MOB3B: variants seen among roughly 807,000 people sequenced by gnomAD.
MOB3B encodes MOB kinase activator 3B.
Under a neutral mutation model 18.7 loss-of-function variants are expected in MOB3B, and 7 were observed. The ratio of observed to expected loss-of-function variants is 0.37; its 90% confidence interval spans 0.21 to 0.70. The LOEUF (loss-of-function observed/expected upper bound fraction) is 0.70. MOB3B is among the 30% of genes least tolerant of loss of function. MOB3B has a pLI of 0.52. For synonymous variants in MOB3B, 111 were observed against 99.9 expected (o/e 1.11, Z -0.66); for missense variants, 253 against 281.3 (o/e 0.90, Z 0.72).
At chr9:27,464,071 G>A (rs977409429) in intron 1 of MOB3B, among the ~76,000 whole-genome samples, 1 of 152,286 alleles carries the variant, frequency 6.6e-6, no homozygotes, top group Non-Finnish European at 1.5e-5. Flanking sequence ...CTTCACAAAT[G>A]GAAAACAATT....
intron 2 of MOB3B, among the ~76,000 whole-genome samples, chr9:27,417,159 C>G (rs1174954594): frequency 6.6e-6 from 1 of 151,990 alleles, no homozygotes; most frequent in Non-Finnish European, 1.5e-5. Context: ...GTGAGGAGAT[C>G]GAGACCATCC....
chr9:27,481,520 G>GTTTTTTTTTTTTT (rs1224985717), intron 1 of MOB3B, among the ~76,000 whole-genome samples: 2 of 91,724 alleles, frequency 2.2e-5, no homozygotes, highest in South Asian at 3.8e-4. Flanking sequence ...TGTTTTTTTT[G>GTTTTTTTTTTTTT]TTTTTTTTTT....
At chr9:27,363,813 C>G (rs1183305404) in intron 2 of MOB3B, among the ~76,000 whole-genome samples, 2 of 152,142 alleles carry the variant, frequency 1.3e-5, no homozygotes, top group Non-Finnish European at 1.5e-5. Context: ...ACAATCACAG[C>G]TCACTGCAGC....
At chr9:27,520,342 G>A (rs1039559355) in intron 1 of MOB3B, among the ~76,000 whole-genome samples, 2 of 152,178 alleles carry the variant, frequency 1.3e-5, no homozygotes, top group Admixed American at 6.5e-5. Context: ...ATGTATAAAC[G>A]ATCTCAAGCC....
At chr9:27,448,372 T>G (rs941121377) in intron 2 of MOB3B, among the ~76,000 whole-genome samples, 3 of 152,164 alleles carry the variant, frequency 2.0e-5, no homozygotes, top group African/African-American at 7.2e-5. Flanking sequence ...GGGTAACTTA[T>G]AAAGAAAAAG....
intron 3 of MOB3B, among the ~76,000 whole-genome samples, chr9:27,352,453 T>C (rs1276529080): frequency 6.6e-6 from 1 of 152,064 alleles, no homozygotes; most frequent in Non-Finnish European, 1.5e-5. Context: ...TATCTGGAAC[T>C]GAAGAAATGA....
intron 1 of MOB3B, among the ~76,000 whole-genome samples, chr9:27,510,588 T>C (rs1258047946): frequency 6.6e-6 from 1 of 152,250 alleles, no homozygotes; most frequent in African/African-American, 2.4e-5. Context: ...GCTTTTCATA[T>C]ACTAACATAT....
In MOB3B at chr9:27,504,823, G is replaced by A. The variant is rs75739326; in HGVS notation, c.-199+24732C>T. 7.6e-3 allele frequency among the ~76,000 whole-genome samples: 1,152 copies of A among 152,338 alleles called. 15 individuals are homozygous for A. Among genetic ancestry groups the A allele is most frequent in the African/African-American group, 0.026 (1,068 of 41,582 alleles). On this transcript the variant is annotated intron_variant, in intron 1 of 3. Transcript: ENST00000262244. ...AGGTGATTTTACAGTTTGGAGGTCA[G>A]GAGTCTAAAATGGGTGGCAAGGCTG... is the stretch of plus-strand genomic sequence containing the variant.
At chr9:27,364,095 A>G (rs950075066) in intron 2 of MOB3B, among the ~76,000 whole-genome samples, 24 of 152,178 alleles carry the variant, frequency 1.6e-4, no homozygotes, top group African/African-American at 5.6e-4. Context: ...AAGGAGCTCA[A>G]AAAATGTTTG....
At chr9:27,417,512 C>T (rs934043472) in intron 2 of MOB3B, among the ~76,000 whole-genome samples, 1 of 152,164 alleles carries the variant, frequency 6.6e-6, no homozygotes, top group African/African-American at 2.4e-5. Context: ...TATTACAGCT[C>T]CTCTGCTCAC....
At chr9:27,435,530 C>T (rs1822486637) in intron 2 of MOB3B, among the ~76,000 whole-genome samples, 2 of 152,146 alleles carry the variant, frequency 1.3e-5, no homozygotes, top group Non-Finnish European at 2.9e-5. Flanking sequence ...CTTAACATGT[C>T]ACTCATCTGC....
intron 2 of MOB3B, among the ~76,000 whole-genome samples, chr9:27,420,452 T>C (rs926927948): frequency 2.0e-5 from 3 of 150,064 alleles, no homozygotes; most frequent in Non-Finnish European, 4.4e-5. Context: ...TGATTATATA[T>C]ATATATTCCA....
intron 1 of MOB3B, among the ~76,000 whole-genome samples, chr9:27,480,119 G>A (rs556300739): frequency 2.7e-5 from 4 of 150,474 alleles, no homozygotes; most frequent in African/African-American, 7.3e-5. Context: ...CAGGGGAAAT[G>A]AGGAAGGAAA....
chr9:27,355,563 T>TTC (rs1491236758), intron 3 of MOB3B, among the ~76,000 whole-genome samples: 205 of 34,994 alleles, frequency 5.9e-3, no homozygotes, highest in African/African-American at 0.029. Context: ...CTTTTTCTTC[T>TTC]TTTTTTTTTT....
chr9:27,335,534 G>A (rs73431172), intron 3 of MOB3B, among the ~76,000 whole-genome samples: 3,220 of 152,234 alleles, frequency 0.021, 106 homozygotes, highest in African/African-American at 0.073. Flanking sequence ...ATGGCTTTCA[G>A]TAGTTTTCAA....
chr9:27,464,656 T>A (rs2131460417), intron 1 of MOB3B, among the ~76,000 whole-genome samples: 1 of 152,336 alleles, frequency 6.6e-6, no homozygotes, highest in Admixed American at 6.5e-5. Flanking sequence ...CTCATTTTCA[T>A]GCTGCTGATA....
At chr9:27,428,560 G>C (rs1382371919) in intron 2 of MOB3B, among the ~76,000 whole-genome samples, 2 of 152,194 alleles carry the variant, frequency 1.3e-5, no homozygotes, top group African/African-American at 4.8e-5. Flanking sequence ...GTAAAACAAA[G>C]TAAAAATGTT....
At chr9:27,445,973 C>T (rs894981172) in intron 2 of MOB3B, among the ~76,000 whole-genome samples, 7 of 152,082 alleles carry the variant, frequency 4.6e-5, no homozygotes, top group African/African-American at 1.7e-4. Flanking sequence ...GTAGAAACAT[C>T]AAAAGCCTAT....
Position 27,359,234 on chromosome 9 carries a change from C to T in MOB3B, c.421G>A (p.Val141Ile). 18 of 1,613,650 alleles carry T rather than the reference C, an allele frequency of 1.1e-5. No homozygotes were observed. Among genetic ancestry groups the T allele is most frequent in the Admixed American group, 1.7e-5 (1 of 60,008 alleles). Residue 141 changes from valine (V) to isoleucine (I), a missense_variant and splice_region_variant, in exon 3 of 4, where the codon GTT (valine) becomes ATT (isoleucine). Transcript: ENST00000262244. ...TGAAGGAAGTTCTTTGGGAAGGGAACACCTAGAGAAGAAAAAAAGAAGAAA... is the reference window on the plus strand; with the variant it reads ...TGAAGGAAGTTCTTTGGGAAGGGAATACCTAGAGAAGAAAAAAAGAAGAAA... ...NEEIFPTCVG[V>I]PFPKNFLQIC... is the part of the protein sequence containing the mutation.
Sources: allele counts gnomAD v4.1 joint callset (sites outside exome capture counted in the v4.1 genomes callset), GRCh38; gene constraint gnomAD v4.1.1; transcripts MANE v1.5; gene names NCBI Gene and HGNC (gene_info 2026-07-23, HGNC 2026-07-21).